Variants in CFAP47 observed in about 807,000 individuals in gnomAD.
CFAP47 encodes the protein cilia- and flagella-associated protein 47.
Under a neutral mutation model 148.1 loss-of-function variants are expected in CFAP47, and 29 were observed. The observed-to-expected ratio is 0.20, with a 90% CI of 0.15 to 0.27. The LOEUF is 0.27. CFAP47 is among the 10% of genes least tolerant of loss of function. CFAP47 has a pLI of 1.00. For missense variants in CFAP47, 1,872 were observed against 1,697.5 expected (o/e 1.10, Z -1.81); for synonymous variants, 664 against 577.3 (o/e 1.15, Z -2.15).
intron 57 of CFAP47, among the ~76,000 whole-genome samples, chrX:36,339,093 T>C (rs1941632210): frequency 8.9e-6 from 1 of 112,416 alleles, no homozygotes. Context: ...AAGTATTTTC[T>C]AAATGATTAA....
At chrX:36,043,529 G>T (rs151297133) in intron 25 of CFAP47, among the ~76,000 whole-genome samples, 1,871 of 113,176 alleles carry the variant, frequency 0.017, 45 homozygotes, top group African/African-American at 0.057. Context: ...CAGGCCCCAT[G>T]CAAGTCTGAA....
chrX:35,954,018 T>C (rs1163601694), intron 7 of CFAP47, among the ~76,000 whole-genome samples: 1 of 111,048 alleles, frequency 9.0e-6, no homozygotes, highest in Non-Finnish European at 1.9e-5. Context: ...TTGTTTTCTA[T>C]GTATGCCTAG....
intron 14 of CFAP47, 50 bp downstream of exon 14, chrX:35,975,413 G>A: frequency 1.2e-6 from 1 of 800,018 alleles, no homozygotes. Context: ...GTGTACTTCT[G>A]TAGAATATGT....
chrX:35,932,037 C>T (rs1011018436), intron 2 of CFAP47, among the ~76,000 whole-genome samples: 1 of 85,401 alleles, frequency 1.2e-5, no homozygotes, highest in Admixed American at 1.4e-4. Context: ...TTCCTTTCTT[C>T]CTTCCTTGCT....
chrX:35,924,176 T>C (rs773217597), intron 1 of CFAP47, among the ~76,000 whole-genome samples: 19 of 104,013 alleles, frequency 1.8e-4, no homozygotes, highest in Non-Finnish European at 1.9e-4. Flanking sequence ...TATGTACATG[T>C]ATGCGTACAT....
intron 46 of CFAP47, among the ~76,000 whole-genome samples, chrX:36,230,250 C>T (rs782538118): frequency 2.0e-3 from 210 of 103,971 alleles, no homozygotes; most frequent in Non-Finnish European, 3.5e-3. Context: ...GTTCCTATTT[C>T]TCCACATCCT....
chrX:36,019,634 C>T (rs1186900407), intron 22 of CFAP47, among the ~76,000 whole-genome samples: 5 of 111,733 alleles, frequency 4.5e-5, no homozygotes, highest in Non-Finnish European at 9.4e-5. Flanking sequence ...ACCCGCCTGA[C>T]TGAACCCCAA....
intron 20 of CFAP47, among the ~76,000 whole-genome samples, chrX:36,001,205 T>C (rs1182310804): frequency 8.9e-6 from 1 of 111,776 alleles, no homozygotes; most frequent in Non-Finnish European, 1.9e-5. Flanking sequence ...AAAGTAAGTA[T>C]ATCAGTGAGG....
chrX:36,174,869 T>C (rs1420489530), intron 39 of CFAP47, among the ~76,000 whole-genome samples: 2 of 111,054 alleles, frequency 1.8e-5, no homozygotes, highest in Non-Finnish European at 3.8e-5. Flanking sequence ...TTGGGGAAGT[T>C]CTCCTGGATA....
chrX:35,993,357 A>G, intron 18 of CFAP47, 36 bp downstream of exon 18: 1 of 289,177 alleles, frequency 3.5e-6, no homozygotes, highest in Non-Finnish European at 6.1e-6. Context: ...CACCTTACAT[A>G]TGTCTATGTG....
intron 49 of CFAP47, among the ~76,000 whole-genome samples, chrX:36,261,720 A>C (rs917477949): frequency 6.3e-5 from 7 of 110,864 alleles, no homozygotes; most frequent in Admixed American, 2.9e-4. Flanking sequence ...TCCCATGTCT[A>C]CTTCTTTCTA....
At chrX:36,044,212 G>T (rs1048839144) in intron 25 of CFAP47, among the ~76,000 whole-genome samples, 1 of 113,173 alleles carries the variant, frequency 8.8e-6, no homozygotes, top group African/African-American at 3.2e-5. Context: ...GATGGGAGGG[G>T]CTGTTATGAA....
chrX:36,171,512 A>C (rs1400452751), intron 39 of CFAP47, among the ~76,000 whole-genome samples: 6 of 107,007 alleles, frequency 5.6e-5, no homozygotes, highest in Non-Finnish European at 1.2e-4. Flanking sequence ...AGCTTTCTAC[A>C]TATGGCTAGC....
intron 49 of CFAP47, among the ~76,000 whole-genome samples, chrX:36,274,765 T>C (rs984687200): frequency 4.5e-5 from 5 of 112,185 alleles, no homozygotes; most frequent in Non-Finnish European, 9.4e-5. Flanking sequence ...GTTTTCTGTA[T>C]ACAGCATGTC....
At chrX:36,125,961 C>T (rs1468192369) in intron 33 of CFAP47, among the ~76,000 whole-genome samples, 1 of 111,120 alleles carries the variant, frequency 9.0e-6, no homozygotes, top group Non-Finnish European at 1.9e-5. Flanking sequence ...TACGATTCAA[C>T]CATGTGTAAT....
At chrX:36,019,650 T>C (rs1027851036) in intron 22 of CFAP47, among the ~76,000 whole-genome samples, 9 of 111,859 alleles carry the variant, frequency 8.0e-5, no homozygotes, top group Non-Finnish European at 1.7e-4. Context: ...CCCAACATGG[T>C]GCAATCTTGG....
In CFAP47 at chrX:36,190,549, T is replaced by C. The variant is rs1349662182; in HGVS notation, c.6321+353T>C. Among the ~76,000 whole-genome samples, 6 of 112,363 alleles carry C rather than the reference T, an allele frequency of 5.3e-5. No homozygotes were observed. The Admixed American group carries it at 5.7e-4, about 11-fold the overall frequency. ...GTCACAGGTCCAGATATGACCTAGA[T>C]AGATATTCCGACGACAGTCTATCAA... On this transcript the variant is annotated intron_variant, in intron 42 of 63. Transcript: ENST00000378653.
chrX:36,278,707 C>A (rs139959459), intron 49 of CFAP47, among the ~76,000 whole-genome samples: 104 of 112,491 alleles, frequency 9.2e-4, no homozygotes, highest in African/African-American at 3.3e-3. Context: ...GGAGCTGTTC[C>A]TATTTGGCCA....
intron 63 of CFAP47, among the ~76,000 whole-genome samples, chrX:36,381,923 T>C (rs903123027): frequency 9.0e-6 from 1 of 110,931 alleles, no homozygotes; most frequent in Non-Finnish European, 1.9e-5. Context: ...GTAATATTTA[T>C]ATACAGATGT....
Sources: gnomAD v4.1 joint callset for allele counts (sites outside exome capture counted in the v4.1 genomes callset) on GRCh38, gnomAD v4.1.1 for gene constraint, MANE v1.5 for transcripts, NCBI Gene and HGNC (gene_info 2026-07-23, HGNC 2026-07-21) for gene names.